IFI44: variants seen among roughly 807,000 people sequenced by gnomAD.
IFI44 encodes the protein interferon induced protein 44.
In IFI44, 42 loss-of-function variants were observed where a neutral mutation model predicts 45.0. That is an observed-to-expected ratio of 0.93 (90% CI 0.73 to 1.21). The LOEUF (loss-of-function observed/expected upper bound fraction) is 1.21, where lower values mean the gene tolerates loss of function less well. Among genes scored for constraint, IFI44 ranks in the 50% most tolerant of loss-of-function variants. The probability of loss-of-function intolerance (pLI) is 0.00; values close to 1 mark genes in which losing one functional copy is unlikely to be tolerated. For synonymous variants in IFI44, 221 were observed against 188.6 expected (o/e 1.17, Z -1.41); for missense variants, 623 against 525.8 (o/e 1.18, Z -1.81).
intron 8 of IFI44, 144 bp downstream of exon 8, chr1:78,663,022 G>A (rs1420705791): frequency 2.6e-6 from 4 of 1,512,274 alleles, no homozygotes; most frequent in Non-Finnish European, 3.5e-6. Flanking sequence ...CCACTCCCTG[G>A]ATGCATTTTT....
At chr1:78,650,790 A>G in intron 2 of IFI44, 138 bp downstream of exon 2, 1 of 594,382 alleles carries the variant, frequency 1.7e-6, no homozygotes, top group Non-Finnish European at 2.9e-6. Flanking sequence ...CTGGATACAG[A>G]TTGTTTGCTA....
rs1647185729 is a variant in IFI44 at position 78,655,137 on chromosome 1, G to A, written c.618G>A (p.Val206=). The A allele has an allele frequency of 1.2e-6, 2 of 1,613,856 alleles. No homozygotes were observed. Among genetic ancestry groups the A allele is most frequent in the African/African-American group, 1.3e-5 (1 of 74,908 alleles). ...GAGKSSFFNS[V]RSVFQGHVTH... ...GGAAGTCCAGCTTTTTCAACTCAGT[G>A]AGGTCTGTTTTCCAAGGGCATGTAA... Residue 206 remains valine, a synonymous_variant, in exon 4 of 9, where the codon GTG becomes GTA. Transcript: ENST00000370747.
intron 3 of IFI44, 55 bp downstream of exon 3, chr1:78,654,334 T>C: frequency 2.2e-6 from 2 of 923,766 alleles, no homozygotes; most frequent in Non-Finnish European, 1.8e-6. Context: ...TGACTTATTC[T>C]ATGATAGGTC....
Position 78,660,654 on chromosome 1 carries a change from G to T in IFI44, c.1113G>T (p.Lys371Asn), listed in dbSNP as rs141520096. Residue 371 changes from lysine (K) to asparagine (N), a missense_variant and splice_region_variant, in exon 7 of 9, where the codon AAG becomes AAT. By Grantham distance (94) the Lys-to-Asn change is moderately conservative. Transcript: ENST00000370747. The part of the protein sequence containing the change: ...EIERCEPVRS[K>N]LEEVQRKLGF... ...AGAGATGTGAGCCTGTGAGGTCCAAGGTAATGAATGATGCCCTTCGTAAAC... is the reference window on the plus strand; with the variant it reads ...AGAGATGTGAGCCTGTGAGGTCCAATGTAATGAATGATGCCCTTCGTAAAC... 6.3e-7 allele frequency: 1 copy of T among 1,585,372 alleles called. No homozygotes were observed. Among genetic ancestry groups the T allele is most frequent in the Admixed American group, 1.7e-5 (1 of 59,924 alleles).
intron 5 of IFI44, among the ~76,000 whole-genome samples, chr1:78,656,872 T>G (rs1647222523): frequency 6.6e-6 from 1 of 151,584 alleles, no homozygotes; most frequent in Non-Finnish European, 1.5e-5. Flanking sequence ...TTTTTAAATA[T>G]TCTTTTTTAA....
In IFI44 at chr1:78,650,297, AT is replaced by A; in HGVS notation, c.104del (p.Phe35SerfsTer17). The A allele has an allele frequency of 1.2e-6, 2 of 1,614,080 alleles. No individual in the cohort carries two copies. Among genetic ancestry groups the A allele is most frequent in the Non-Finnish European group, 1.7e-6 (2 of 1,179,954 alleles). On this transcript the variant is annotated frameshift_variant, in exon 2 of 9. Transcript: ENST00000370747. LOFTEE classifies it high-confidence loss of function. ...SLLYKGSVHG[F>X]RNGVLLDRCC... ...TTCTCTATAAGGGTAGTGTCCATGG[AT>A]TCCGTAATGGAGTTTTGCTTGACAG...
chr1:78,655,343 G>A lies in IFI44; in HGVS notation c.691-19G>A. On this transcript the variant is annotated intron_variant, in intron 4 of 8. Coordinates refer to ENST00000370747, the MANE Select transcript of IFI44 (RefSeq NM_006417.5). ...TAATAAAAAATGAATCTTTAAAATT[G>A]CTTTTCTCCCCTCTACAGTATAGGA... The A allele has an allele frequency of 6.3e-7, 1 of 1,575,334 alleles. No individual in the cohort carries two copies. Among genetic ancestry groups the A allele is most frequent in the Non-Finnish European group, 8.6e-7 (1 of 1,164,864 alleles).
At position 78,655,504 on chromosome 1, in the gene IFI44, G is replaced by A; in HGVS notation, c.833G>A (p.Arg278Lys). The change falls in exon 5 of 9, where the codon AGA becomes AAA. Residue 278 changes from arginine to lysine, a missense_variant. By Grantham distance (26) the Arg-to-Lys change is conservative (BLOSUM62 2). Coordinates refer to ENST00000370747, the MANE Select transcript of IFI44 (RefSeq NM_006417.5). ...ATCTTGAACGGTAACATTCGTGATAGATACCAGGTAATATTTGACTAATGA... is the reference window on the plus strand; with the variant it reads ...ATCTTGAACGGTAACATTCGTGATAAATACCAGGTAATATTTGACTAATGA... ...FYILNGNIRD[R>K]YQFNPMESIK... 2 of 1,604,096 alleles carry A rather than the reference G, an allele frequency of 1.2e-6. No homozygotes were observed. The highest frequency in any genetic ancestry group is 1.7e-6 in the Non-Finnish European group (2 of 1,176,810).
chr1:78,650,297 A>G lies in IFI44; in HGVS notation c.102A>G (p.Gly34=). 1 of 1,614,080 alleles carries G rather than the reference A, an allele frequency of 6.2e-7. No homozygotes were observed. Among genetic ancestry groups the G allele is most frequent in the Non-Finnish European group, 8.5e-7 (1 of 1,179,954 alleles). Residue 34 remains glycine, a synonymous_variant, in exon 2 of 9, where the codon GGA becomes GGG. Coordinates refer to ENST00000370747, the MANE Select transcript of IFI44 (RefSeq NM_006417.5). The stretch of plus-strand genomic sequence containing the variant: ...TTCTCTATAAGGGTAGTGTCCATGG[A>G]TTCCGTAATGGAGTTTTGCTTGACA... ...LSLLYKGSVH[G]FRNGVLLDRC...
chr1:78,662,134 G>A (rs1647494767), intron 7 of IFI44, among the ~76,000 whole-genome samples: 1 of 152,202 alleles, frequency 6.6e-6, no homozygotes, highest in Admixed American at 6.6e-5. Flanking sequence ...AACACCAGTT[G>A]GGAGAATGCA....
chr1:78,655,582 T>C, intron 5 of IFI44, 71 bp downstream of exon 5: 2 of 1,329,676 alleles, frequency 1.5e-6, no homozygotes, highest in Non-Finnish European at 1.0e-6. Context: ...GTATCAGCGT[T>C]TATCTTCTTA....
At chr1:78,655,551 A>G (rs1328012738) in intron 5 of IFI44, 40 bp downstream of exon 5, 1 of 1,540,336 alleles carries the variant, frequency 6.5e-7, no homozygotes, top group East Asian at 2.3e-5. Flanking sequence ...TGATTTTTAA[A>G]ATGCTTATTT....
chr1:78,660,470 G>T (rs1647384836), intron 6 of IFI44, 84 bp from the exon 7 acceptor site: 2 of 988,480 alleles, frequency 2.0e-6, no homozygotes, highest in Non-Finnish European at 3.1e-6. Context: ...TGTTCCATAG[G>T]TTGCCTATTA....
chr1:78,652,900 A>G (rs1376992503), intron 2 of IFI44, among the ~76,000 whole-genome samples: 1 of 152,188 alleles, frequency 6.6e-6, no homozygotes, highest in Non-Finnish European at 1.5e-5. Flanking sequence ...ATTTCCCAAC[A>G]TAGTTTTATA....
chr1:78,653,528 T>C (rs1647156607), intron 2 of IFI44, among the ~76,000 whole-genome samples: 2 of 152,216 alleles, frequency 1.3e-5, no homozygotes, highest in Non-Finnish European at 2.9e-5. Context: ...TCTTTTGTAG[T>C]TGAGAGAATT....
intron 2 of IFI44, among the ~76,000 whole-genome samples, chr1:78,651,427 C>T (rs929880198): frequency 4.6e-5 from 7 of 152,070 alleles, no homozygotes; most frequent in African/African-American, 1.5e-4. Context: ...ATTCCGCCAC[C>T]GATCTGACAG....
intron 2 of IFI44, among the ~76,000 whole-genome samples, chr1:78,653,536 A>T (rs1300576040): frequency 6.6e-6 from 1 of 152,172 alleles, no homozygotes; most frequent in Non-Finnish European, 1.5e-5. Context: ...AGTTGAGAGA[A>T]TTGGTAGCAT....
At chr1:78,652,108 C>A (rs1040319326) in intron 2 of IFI44, among the ~76,000 whole-genome samples, 2 of 151,700 alleles carry the variant, frequency 1.3e-5, no homozygotes, top group Admixed American at 1.3e-4. Context: ...TTTTTTGAGA[C>A]AGAGTCTCTG....
intron 2 of IFI44, among the ~76,000 whole-genome samples, chr1:78,653,460 T>G (rs1442203578): frequency 6.6e-6 from 1 of 152,240 alleles, no homozygotes; most frequent in Non-Finnish European, 1.5e-5. Flanking sequence ...TGGTAATTTA[T>G]TGTTTACTTT....
Sources: allele counts gnomAD v4.1 joint callset (sites outside exome capture counted in the v4.1 genomes callset), GRCh38; gene constraint gnomAD v4.1.1; transcripts MANE v1.5; gene names NCBI Gene and HGNC (gene_info 2026-07-23, HGNC 2026-07-21).